Variants in THAP6 observed in about 807,000 individuals in gnomAD.
The protein encoded by THAP6 is THAP domain containing 6.
THAP6 carries 13 observed loss-of-function variants against 20.0 expected under a neutral mutation model. The ratio of observed to expected loss-of-function variants is 0.65; its 90% CI spans 0.42 to 1.03. The LOEUF (loss-of-function observed/expected upper bound fraction) is 1.03. Among genes scored for constraint, THAP6 ranks in the 50% least tolerant of loss-of-function variants. The probability of loss-of-function intolerance (pLI) is 0.00; values close to 1 mark genes in which losing one functional copy is unlikely to be tolerated. For synonymous variants in THAP6, 93 were observed against 92.2 expected, an observed-to-expected ratio of 1.01 and a Z score of -0.05; for missense variants, 262 against 261.6, an observed-to-expected ratio of 1.00 and a Z score of -0.01.
At chr4:75,530,996 A>G (rs1406271074), downstream of THAP6, among the ~76,000 whole-genome samples, 2 of 152,182 alleles carry the variant, frequency 1.3e-5, no homozygotes, top group African/African-American at 2.4e-5. Context: ...AAACTCTGAA[A>G]CTGGGGTCAT....
chr4:75,526,852 A>G, intron 4 of THAP6, 108 bp from the exon 5 acceptor site: 1 of 1,467,684 alleles, frequency 6.8e-7, no homozygotes, highest in Non-Finnish European at 9.1e-7. Flanking sequence ...CACCAACTTA[A>G]AAATGTTCTC....
chr4:75,530,295 T>C (rs1170405734), downstream of THAP6, among the ~76,000 whole-genome samples: 3 of 152,230 alleles, frequency 2.0e-5, no homozygotes, highest in Non-Finnish European at 4.4e-5. Flanking sequence ...GTGTGAAATA[T>C]GCTGCCTTTA....
At position 75,528,541 on chromosome 4, in the gene THAP6, T is replaced by C; in HGVS notation, c.*1327T>C. The C allele has an allele frequency of 2.0e-6, 2 of 983,146 alleles. No homozygotes were observed. Among genetic ancestry groups the C allele is most frequent in the Non-Finnish European group, 2.4e-6 (2 of 827,866 alleles). The allele number at this position is 983,146 out of a possible 1,614,324, so 60.9% of individuals were successfully genotyped here. On this transcript the variant is annotated 3_prime_UTR_variant, in exon 5 of 5. Coordinates refer to ENST00000311638, the MANE Select transcript of THAP6 (RefSeq NM_144721.6). The stretch of plus-strand genomic sequence containing the variant: ...TGCTCAGTTGTTTATTGTAATTTTA[T>C]TTTTGTTACATTAATATTAGTTAAG...
chr4:75,536,864 T>G (rs1052323576), intron 2 of THAP6, among the ~76,000 whole-genome samples: 2 of 151,958 alleles, frequency 1.3e-5, no homozygotes, highest in Admixed American at 6.6e-5. Context: ...ATCCAGTAGG[T>G]TAAAGGATAG....
At chr4:75,545,767 G>C (rs1727114417) in intron 3 of THAP6, among the ~76,000 whole-genome samples, 1 of 152,222 alleles carries the variant, frequency 6.6e-6, no homozygotes, top group South Asian at 2.1e-4. Flanking sequence ...CCACAGATGG[G>C]AGACTAGCCT....
chr4:75,525,877 C>G (rs900278278), intron 4 of THAP6, among the ~76,000 whole-genome samples: 2 of 152,312 alleles, frequency 1.3e-5, no homozygotes, highest in South Asian at 4.1e-4. Context: ...CAGGGCACTC[C>G]TAATCTCTGG....
At chr4:75,540,078 C>T (rs1560552781) in intron 2 of THAP6, 2 of 1,177,242 alleles carry the variant, frequency 1.7e-6, no homozygotes, top group East Asian at 2.6e-5. Context: ...CATCCTCTCA[C>T]TCCAATACTG....
chr4:75,545,921 G>A (rs72867807), intron 3 of THAP6, among the ~76,000 whole-genome samples: 2,312 of 152,278 alleles, frequency 0.015, 66 homozygotes, highest in African/African-American at 0.052. Flanking sequence ...CCTTGAGGGT[G>A]TGAGAGGCAG....
At position 75,536,982 on chromosome 4, in the gene THAP6, C is replaced by T. The variant is rs188565973; in HGVS notation, c.166-5427C>T. On this transcript the variant is annotated intron_variant, in intron 2 of 4. Transcript: ENST00000502620. ...AACAGGGAAAACGAGGGTTATTTCA[C>T]AATGATGAAAGGGTCAATTAAGAGG... Among the ~76,000 whole-genome samples the T allele has an allele frequency of 1.7e-4, 26 of 152,230 alleles. No individual in the cohort carries two copies. The East Asian group carries it at 4.6e-3, about 27-fold the overall frequency.
At chr4:75,541,911 T>G (rs551983721) in intron 2 of THAP6, among the ~76,000 whole-genome samples, 25 of 150,680 alleles carry the variant, frequency 1.7e-4, no homozygotes, top group African/African-American at 5.9e-4. Context: ...GAGCCAAGAT[T>G]GCACCACTGT....
At position 75,516,869 on chromosome 4, in the gene THAP6, G is replaced by T. The variant is rs770187364; in HGVS notation, c.178G>T (p.Val60Leu). ...AGIWEPKKGD[V>L]LCSRHFKKTD... The stretch of plus-strand genomic sequence containing the variant: ...CATTTGGGAGCCTAAAAAAGGAGAT[G>T]TGTTGTGTTCGAGGCACTTTAAGAA... Residue 60 changes from valine to leucine, a missense_variant, in exon 3 of 5, where the codon GTG becomes TTG. Coordinates refer to ENST00000311638, the MANE Select transcript of THAP6 (RefSeq NM_144721.6). The T allele has an allele frequency of 3.0e-5, 48 of 1,613,988 alleles. No individual in the cohort carries two copies. The highest frequency in any genetic ancestry group is 2.1e-4 in the African/African-American group (16 of 74,892).
Position 75,529,010 on chromosome 4 carries a change from G to T in THAP6, c.*1796G>T. ...GGAGATTGCAGTGAGCCAAGATCAC[G>T]CCGTTGCACTCCAGCCTGAGCAACA... is the stretch of plus-strand genomic sequence containing the variant. On this transcript the variant is annotated 3_prime_UTR_variant, in exon 5 of 5. Transcript: ENST00000311638. 1 of 638,994 alleles carries T rather than the reference G, an allele frequency of 1.6e-6. No individual in the cohort carries two copies. Among genetic ancestry groups the T allele is most frequent in the Non-Finnish European group, 1.9e-6 (1 of 514,148 alleles). 39.6% of individuals were successfully genotyped at this position (638,994 alleles called of 1,614,324 possible).
Position 75,521,331 on chromosome 4 carries a change from T to C in THAP6, c.289-405T>C, listed in dbSNP as rs913690042. On this transcript the variant is annotated intron_variant, in intron 3 of 4. Coordinates refer to ENST00000311638, the MANE Select transcript of THAP6 (RefSeq NM_144721.6). Reference sequence around the variant, plus strand: ...TATTATGTATAAAGGATACAACTGCTTCTCTTAATTAGTTGATTTTTACAT... The same window carrying C: ...TATTATGTATAAAGGATACAACTGCCTCTCTTAATTAGTTGATTTTTACAT... Among the ~76,000 whole-genome samples, 7 of 152,074 alleles carry C rather than the reference T, an allele frequency of 4.6e-5. No homozygotes were observed. In the South Asian group the frequency reaches 1.0e-3, roughly 22 times the overall value.
At chr4:75,534,449 C>T (rs1214886293), downstream of THAP6, among the ~76,000 whole-genome samples, 1 of 152,076 alleles carries the variant, frequency 6.6e-6, no homozygotes, top group Non-Finnish European at 1.5e-5. Flanking sequence ...GACCTAAAAC[C>T]ATAAAAACCC....
Position 75,527,498 on chromosome 4 carries a change from AATG to A in THAP6, c.*288_*290del. On this transcript the variant is annotated 3_prime_UTR_variant, in exon 5 of 5. Transcript: ENST00000311638. Reference sequence around the variant, plus strand: ...CAAGAAAATTTCACAGAGCTAAAGAAATGATGTCAAATTAGTCACATTAAGCTA... The same window carrying A: ...CAAGAAAATTTCACAGAGCTAAAGAAATGTCAAATTAGTCACATTAAGCTA... 1 of 1,193,470 alleles carries A rather than the reference AATG, an allele frequency of 8.4e-7. No individual in the cohort carries two copies. The highest frequency in any genetic ancestry group is 1.0e-6 in the Non-Finnish European group (1 of 958,938). 73.9% of individuals were successfully genotyped at this position (1,193,470 alleles called of 1,614,324 possible). A position where few individuals can be genotyped will look rare whatever the true frequency, so the allele number is the denominator to read the frequency against.
At chr4:75,534,185 A>G (rs548771485), downstream of THAP6, among the ~76,000 whole-genome samples, 3 of 152,302 alleles carry the variant, frequency 2.0e-5, no homozygotes, top group African/African-American at 7.2e-5. Context: ...GTTGGTTCCA[A>G]GTCTTTGCTA....
intron 3 of THAP6, chr4:75,542,528 T>C: frequency 1.4e-6 from 1 of 698,468 alleles, no homozygotes; most frequent in East Asian, 2.7e-5. Flanking sequence ...TATTAACTCA[T>C]TTAACTTCAC....
intron 3 of THAP6, among the ~76,000 whole-genome samples, chr4:75,543,893 T>C (rs1173970181): frequency 1.3e-5 from 2 of 152,228 alleles, no homozygotes; most frequent in African/African-American, 2.4e-5. Context: ...ATCCTTGTTA[T>C]GGCCATGATA....
upstream of THAP6, chr4:75,514,024 G>T: frequency 1.0e-6 from 1 of 973,022 alleles, no homozygotes; most frequent in Non-Finnish European, 1.5e-6. Context: ...GAAAGGTGGG[G>T]CTTATCGCCT....
Sources: gnomAD v4.1 joint callset for allele counts (sites outside exome capture counted in the v4.1 genomes callset) on GRCh38, gnomAD v4.1.1 for gene constraint, MANE v1.5 for transcripts, NCBI Gene and HGNC (gene_info 2026-07-23, HGNC 2026-07-21) for gene names.